GRID2: variants seen among roughly 807,000 people sequenced by gnomAD.
GRID2 encodes the protein glutamate ionotropic receptor delta type subunit 2.
Under a neutral mutation model 114.8 loss-of-function variants are expected in GRID2, and 33 were observed. The observed-to-expected ratio is 0.29, with a 90% CI of 0.22 to 0.38. The LOEUF is 0.38. Among genes scored for constraint, GRID2 ranks in the 10% least tolerant of loss-of-function variants. GRID2 has a pLI of 1.00. For missense variants in GRID2, 1,184 were observed against 1,257.7 expected, an observed-to-expected ratio of 0.94 and a Z score of 0.89; for synonymous variants, 505 against 449.9, an observed-to-expected ratio of 1.12 and a Z score of -1.55.
intron 14 of GRID2, among the ~76,000 whole-genome samples, chr4:93,758,123 A>G (rs1317121506): frequency 6.6e-6 from 1 of 152,206 alleles, no homozygotes; most frequent in African/African-American, 2.4e-5. Flanking sequence ...GTTACTGTCT[A>G]AACACTCTAC....
rs145351350 is a variant in GRID2, at chr4:93,689,707, T to C, written c.2360+63272T>C. ...CTTTACAAACATGAAGAAAACATAG[T>C]CTTTTGGCATCATTACATTATGTCA... On this transcript the variant is annotated intron_variant, in intron 14 of 15. Coordinates refer to ENST00000282020, the MANE Select transcript of GRID2 (RefSeq NM_001510.4). Among the ~76,000 whole-genome samples the C allele has an allele frequency of 2.6e-4, 39 of 152,254 alleles. No individual in the cohort carries two copies. The East Asian group carries it at 6.2e-3, about 24-fold the overall frequency.
intron 14 of GRID2, among the ~76,000 whole-genome samples, chr4:93,768,949 T>A (rs1351161461): frequency 2.2e-5 from 3 of 136,650 alleles, no homozygotes; most frequent in African/African-American, 5.7e-5. Context: ...AGAAGAAGAA[T>A]AGGAAGAAAA....
At chr4:92,917,238 TC>T (rs1748883905) in intron 2 of GRID2, among the ~76,000 whole-genome samples, 1 of 152,206 alleles carries the variant, frequency 6.6e-6, no homozygotes, top group African/African-American at 2.4e-5. Flanking sequence ...TTTTTTGAGT[TC>T]ATTGTAGATT....
At chr4:93,211,122 A>AT (rs1222582155) in intron 5 of GRID2, among the ~76,000 whole-genome samples, 8 of 151,852 alleles carry the variant, frequency 5.3e-5, no homozygotes, top group African/African-American at 1.7e-4. Flanking sequence ...CCCTTAATTA[A>AT]TTTTTTTTAA....
At chr4:92,678,161 C>T (rs775922410) in intron 2 of GRID2, among the ~76,000 whole-genome samples, 8 of 152,060 alleles carry the variant, frequency 5.3e-5, no homozygotes, top group Non-Finnish European at 1.0e-4. Flanking sequence ...ATTAGGTCTT[C>T]ACTGAATATT....
intron 1 of GRID2, among the ~76,000 whole-genome samples, chr4:92,469,500 A>C (rs1353002426): frequency 3.3e-5 from 5 of 152,076 alleles, no homozygotes; most frequent in Admixed American, 3.3e-4. Context: ...ATGCTATGTG[A>C]ATAGTTGTCA....
intron 8 of GRID2, among the ~76,000 whole-genome samples, chr4:93,291,763 A>G (rs1753782678): frequency 6.6e-6 from 1 of 152,102 alleles, no homozygotes; most frequent in Admixed American, 6.5e-5. Flanking sequence ...ATGTGTGTGC[A>G]CGTGTTTTCT....
chr4:92,890,513 A>G (rs559673787), intron 2 of GRID2, among the ~76,000 whole-genome samples: 1 of 152,340 alleles, frequency 6.6e-6, no homozygotes, highest in African/African-American at 2.4e-5. Context: ...ATGAAAAAAA[A>G]AGCTCATCAT....
chr4:93,271,846 C>T (rs1221149657), intron 8 of GRID2, among the ~76,000 whole-genome samples: 3 of 152,068 alleles, frequency 2.0e-5, no homozygotes, highest in Admixed American at 2.0e-4. Flanking sequence ...TTATAAACTA[C>T]TAAGAAATAC....
chr4:92,753,320 T>C (rs2149340360), intron 2 of GRID2, among the ~76,000 whole-genome samples: 3 of 152,154 alleles, frequency 2.0e-5, no homozygotes, highest in South Asian at 4.1e-4. Flanking sequence ...GAGAGAGAGG[T>C]AGGATTTCTT....
chr4:93,122,709 A>G, intron 4 of GRID2, among the ~76,000 whole-genome samples: 1 of 152,030 alleles, frequency 6.6e-6, no homozygotes, highest in East Asian at 1.9e-4. Context: ...AAGAAAAAAA[A>G]TAACTGGCTT....
At chr4:93,389,042 A>T (rs534210606) in intron 8 of GRID2, among the ~76,000 whole-genome samples, 1 of 152,224 alleles carries the variant, frequency 6.6e-6, no homozygotes, top group African/African-American at 2.4e-5. Context: ...TGCAATAGAG[A>T]TGCTTTACAC....
chr4:93,468,523 C>T (rs1357854925), intron 11 of GRID2, among the ~76,000 whole-genome samples: 2 of 151,970 alleles, frequency 1.3e-5, no homozygotes, highest in Non-Finnish European at 2.9e-5. Flanking sequence ...TGAACAAAAT[C>T]CTGAAGGATA....
intron 14 of GRID2, among the ~76,000 whole-genome samples, chr4:93,733,536 A>G (rs1285804782): frequency 2.0e-5 from 3 of 152,176 alleles, no homozygotes; most frequent in African/African-American, 7.2e-5. Context: ...AATAATAGGC[A>G]TTCAGATAGA....
intron 4 of GRID2, among the ~76,000 whole-genome samples, chr4:93,173,027 T>C (rs965747162): frequency 6.6e-6 from 1 of 152,146 alleles, no homozygotes; most frequent in Non-Finnish European, 1.5e-5. Flanking sequence ...ATTTTTCTGT[T>C]CTTAACAACA....
At chr4:93,228,013 G>A (rs1745698598) in intron 7 of GRID2, among the ~76,000 whole-genome samples, 1 of 152,138 alleles carries the variant, frequency 6.6e-6, no homozygotes, top group African/African-American at 2.4e-5. Flanking sequence ...CAGCAGTACA[G>A]TTTTTTTGCT....
chr4:93,756,125 G>C (rs1732724929), intron 14 of GRID2, among the ~76,000 whole-genome samples: 1 of 152,156 alleles, frequency 6.6e-6, no homozygotes, highest in Admixed American at 6.6e-5. Flanking sequence ...ATGTATCCTA[G>C]TTTTTAAAAA....
rs1056537075 is a variant in GRID2, at chr4:92,764,397, G to T, written c.244+174111G>T. Among the ~76,000 whole-genome samples, 9 of 152,212 alleles carry T rather than the reference G, an allele frequency of 5.9e-5. No homozygotes were observed. In the East Asian group the frequency reaches 1.7e-3, roughly 29 times the overall value. On this transcript the variant is annotated intron_variant, in intron 2 of 15. Coordinates refer to ENST00000282020, the MANE Select transcript of GRID2 (RefSeq NM_001510.4). The stretch of plus-strand genomic sequence containing the variant: ...TAAACAACTGAAGCTCAAGCCCAAG[G>T]ACTTACAATTGGGTCTTTTGAGAGT...
At chr4:92,847,020 T>A (rs1022343081) in intron 2 of GRID2, among the ~76,000 whole-genome samples, 2 of 152,078 alleles carry the variant, frequency 1.3e-5, no homozygotes, top group African/African-American at 2.4e-5. Flanking sequence ...ACATTTAAAA[T>A]GTAAAGATAC....
Sources: gnomAD v4.1 joint callset for allele counts (sites outside exome capture counted in the v4.1 genomes callset) on GRCh38, gnomAD v4.1.1 for gene constraint, MANE v1.5 for transcripts, NCBI Gene and HGNC (gene_info 2026-07-23, HGNC 2026-07-21) for gene names.